The following GMPS variants were observed in gnomAD, a reference collection of about 807,000 sequenced individuals.
The protein encoded by GMPS is GMP synthase [glutamine-hydrolyzing].
A neutral mutation model predicts 77.9 loss-of-function variants in GMPS; 15 were observed. The observed-to-expected ratio is 0.19, with a 90% confidence interval of 0.13 to 0.30. The LOEUF (loss-of-function observed/expected upper bound fraction) is 0.30. Among genes scored for constraint, GMPS ranks in the 10% least tolerant of loss-of-function variants. GMPS has a pLI of 1.00. For missense variants in GMPS, 590 were observed against 838.8 expected, an observed-to-expected ratio of 0.70 and a Z score of 3.66; for synonymous variants, 224 against 275.9, an observed-to-expected ratio of 0.81 and a Z score of 1.86.
intron 12 of GMPS, 55 bp from the exon 13 acceptor site, chr3:155,931,710 T>C: frequency 4.4e-6 from 3 of 682,314 alleles, no homozygotes; most frequent in Non-Finnish European, 7.7e-6. Flanking sequence ...TTTGTCAAGT[T>C]AAACTGGTGT....
At chr3:155,881,363 G>A (rs1754204006) in intron 1 of GMPS, among the ~76,000 whole-genome samples, 1 of 151,646 alleles carries the variant, frequency 6.6e-6, no homozygotes, top group African/African-American at 2.4e-5. Context: ...GTACAGACAG[G>A]GTTTCTCCAT....
chr3:155,879,587 G>A (rs909192287), intron 1 of GMPS, among the ~76,000 whole-genome samples: 1 of 151,996 alleles, frequency 6.6e-6, no homozygotes, highest in Admixed American at 6.6e-5. Flanking sequence ...TTTGATTATA[G>A]CCATCAGAGT....
rs1465680459 is a variant in GMPS, at chr3:155,925,388, A to C, written c.1560+22A>C. The C allele has an allele frequency of 2.8e-5, 44 of 1,544,630 alleles. No individual in the cohort carries two copies. The Admixed American group carries it at 3.0e-4, about 11-fold the overall frequency. On this transcript the variant is annotated intron_variant, in intron 12 of 15. Coordinates refer to ENST00000496455, the MANE Select transcript of GMPS (RefSeq NM_003875.3). ...GCAGGTGAGTTGTGTGAATTCATTC[A>C]CCAGTGATATACTTTTTTTTTTTTT...
intron 1 of GMPS, among the ~76,000 whole-genome samples, chr3:155,873,272 A>T (rs1325886676): frequency 6.6e-6 from 1 of 151,974 alleles, no homozygotes; most frequent in Non-Finnish European, 1.5e-5. Flanking sequence ...TATACACAAT[A>T]TTTTATTTAA....
chr3:155,901,479 G>T lies in GMPS; in HGVS notation c.325-2384G>T, dbSNP rs139611877. Among the ~76,000 whole-genome samples, 29 of 151,496 alleles carry T rather than the reference G, an allele frequency of 1.9e-4. No individual in the cohort carries two copies. The East Asian group carries it at 5.2e-3, about 27-fold the overall frequency. On this transcript the variant is annotated intron_variant, in intron 3 of 15. Transcript: ENST00000496455. ...TGAATATTTTTTTACTTGTTTTCTG[G>T]TGTTATACATACACAAAATTTTCTC... is the stretch of plus-strand genomic sequence containing the variant.
chr3:155,887,974 T>G (rs1754375069), intron 1 of GMPS, among the ~76,000 whole-genome samples: 1 of 152,218 alleles, frequency 6.6e-6, no homozygotes, highest in Admixed American at 6.5e-5. Flanking sequence ...TACTTTTTGA[T>G]TTAACATTTT....
chr3:155,917,271 C>A (rs538385585), intron 9 of GMPS, among the ~76,000 whole-genome samples: 2 of 152,302 alleles, frequency 1.3e-5, no homozygotes, highest in Admixed American at 1.3e-4. Flanking sequence ...CTGCATCCAG[C>A]CTCATCTTAA....
At chr3:155,886,678 T>C (rs997244609) in intron 1 of GMPS, among the ~76,000 whole-genome samples, 2 of 139,480 alleles carry the variant, frequency 1.4e-5, no homozygotes, top group African/African-American at 5.5e-5. Flanking sequence ...TGGAGTGCAG[T>C]GATGTGATCT....
chr3:155,888,551 A>G (rs1754391831), intron 1 of GMPS, among the ~76,000 whole-genome samples: 2 of 150,760 alleles, frequency 1.3e-5, no homozygotes, highest in South Asian at 4.2e-4. Context: ...CCTCCCGAGT[A>G]GCTAGGACCA....
intron 1 of GMPS, among the ~76,000 whole-genome samples, chr3:155,882,869 T>G (rs571029214): frequency 6.6e-6 from 1 of 152,310 alleles, no homozygotes; most frequent in Non-Finnish European, 1.5e-5. Context: ...TTAATACTAT[T>G]TTACCAATTT....
Position 155,914,466 on chromosome 3 carries a change from A to G in GMPS, c.934A>G (p.Ile312Val). The change falls in exon 8 of 16, where the codon ATA becomes GTA. Residue 312 changes from isoleucine (I) to valine (V), a missense_variant. Around this residue, in one of 6 missense-constraint regions of GMPS, gnomAD observed 181 missense variants for 186.8 expected, o/e 0.97. Transcript: ENST00000496455. ...CTACAATGGAACAACAACCCTACCA[A>G]TATCAGATGAAGATAGAACCCCACG... Reference protein sequence around the residue: ...SFYNGTTTLPISDEDRTPRKR... With the variant: ...SFYNGTTTLPVSDEDRTPRKR... The G allele has an allele frequency of 1.2e-6, 2 of 1,601,118 alleles. No individual in the cohort carries two copies. The highest frequency in any genetic ancestry group is 8.5e-7 in the Non-Finnish European group (1 of 1,175,104).
At chr3:155,899,327 C>T (rs115124366) in intron 3 of GMPS, among the ~76,000 whole-genome samples, 2,377 of 151,278 alleles carry the variant, frequency 0.016, 82 homozygotes, top group African/African-American at 0.055. Flanking sequence ...GAGATCATGC[C>T]GTTGCACTCC....
Position 155,910,742 on chromosome 3 carries a change from G to A in GMPS, c.577G>A (p.Val193Ile), listed in dbSNP as rs760660041. 1 of 1,610,294 alleles carries A rather than the reference G, an allele frequency of 6.2e-7. No homozygotes were observed. The highest frequency in any genetic ancestry group is 1.1e-5 in the South Asian group (1 of 90,424). ...KLYGAQFHPE[V>I]GLTENGKVIL... is the part of the protein sequence containing the mutation. ...ATATGGAGCACAGTTCCACCCTGAA[G>A]TTGGCCTTACAGAAAATGGAAAAGT... Residue 193 changes from valine (V) to isoleucine (I), a missense_variant, in exon 6 of 16, where the codon GTT becomes ATT. Coordinates refer to ENST00000496455, the MANE Select transcript of GMPS (RefSeq NM_003875.3).
intron 10 of GMPS, among the ~76,000 whole-genome samples, chr3:155,921,984 C>T (rs1438142942): frequency 4.6e-5 from 7 of 151,992 alleles, no homozygotes; most frequent in Non-Finnish European, 8.8e-5. Context: ...CTAAATGTTA[C>T]AACATTTTTA....
At chr3:155,918,336 C>T (rs1755235710) in intron 9 of GMPS, among the ~76,000 whole-genome samples, 1 of 152,110 alleles carries the variant, frequency 6.6e-6, no homozygotes, top group African/African-American at 2.4e-5. Context: ...CCTGTAGTCC[C>T]AGCTACTCTG....
intron 2 of GMPS, among the ~76,000 whole-genome samples, chr3:155,896,593 A>T (rs116542840): frequency 0.012 from 1,832 of 149,408 alleles, 27 homozygotes; most frequent in African/African-American, 0.04. Context: ...TTATTTTTTT[A>T]AATTTTTTGT....
intron 15 of GMPS, 113 bp downstream of exon 15, chr3:155,936,623 A>G: frequency 1.6e-6 from 1 of 644,146 alleles, no homozygotes; most frequent in Non-Finnish European, 2.7e-6. Context: ...TTTTCTGTTC[A>G]TAAGATAGGC....
intron 1 of GMPS, among the ~76,000 whole-genome samples, chr3:155,890,342 A>G (rs1010818547): frequency 1.3e-5 from 2 of 152,218 alleles, no homozygotes; most frequent in African/African-American, 4.8e-5. Context: ...AACAGCTAAA[A>G]ATAATAATGC....
At chr3:155,872,524 G>A (rs751107750) in intron 1 of GMPS, among the ~76,000 whole-genome samples, 6 of 152,140 alleles carry the variant, frequency 3.9e-5, no homozygotes, top group Non-Finnish European at 8.8e-5. Flanking sequence ...TAATTTATGG[G>A]CTTTGAAAAA....
Sources: gnomAD v4.1 joint callset for allele counts (sites outside exome capture counted in the v4.1 genomes callset) on GRCh38, gnomAD v4.1.1 for gene constraint, gnomAD v4.1.1 regional missense constraint, MANE v1.5 for transcripts, NCBI Gene and HGNC (gene_info 2026-07-23, HGNC 2026-07-21) for gene names.